The following KANSL1L variants were observed in gnomAD, a reference collection of about 807,000 sequenced individuals.
KANSL1L encodes the protein KAT8 regulatory NSL complex subunit 1 like, also known as KAT8 regulatory NSL complex subunit 1-like protein.
KANSL1L carries 25 observed loss-of-function variants against 108.6 expected under a neutral mutation model. That is an observed-to-expected ratio of 0.23 (90% confidence interval 0.17 to 0.32). The LOEUF is 0.32. Among genes scored for constraint, KANSL1L ranks in the 10% least tolerant of loss-of-function variants. The pLI, the probability that KANSL1L is intolerant of heterozygous loss-of-function variation, is 1.00. For synonymous variants in KANSL1L, 405 were observed against 395.1 expected (o/e 1.03, Z -0.30); for missense variants, 1,137 against 1,125.7 (o/e 1.01, Z -0.14).
intron 6 of KANSL1L, among the ~76,000 whole-genome samples, chr2:210,071,564 C>A (rs550756214): frequency 6.6e-6 from 1 of 152,210 alleles, no homozygotes; most frequent in African/African-American, 2.4e-5. Context: ...CTGCCATGCC[C>A]GACCAAAGTT....
intron 2 of KANSL1L, among the ~76,000 whole-genome samples, chr2:210,135,816 A>G (rs1283430089): frequency 1.3e-5 from 2 of 152,144 alleles, no homozygotes; most frequent in Non-Finnish European, 2.9e-5. Context: ...CCTCGAAAAT[A>G]TTTCATGCTA....
intron 5 of KANSL1L, chr2:210,088,300 CA>C (rs1021962577): frequency 3.3e-5 from 5 of 152,168 alleles, no homozygotes; most frequent in Admixed American, 6.6e-5. Context: ...ACACTAGTGG[CA>C]AGGTGAAAAG....
intron 2 of KANSL1L, among the ~76,000 whole-genome samples, chr2:210,146,048 G>A (rs116042860): frequency 2.4e-3 from 372 of 152,222 alleles, no homozygotes; most frequent in African/African-American, 8.6e-3. Flanking sequence ...ATCCACAGTG[G>A]TGATGACTGT....
intron 8 of KANSL1L, among the ~76,000 whole-genome samples, chr2:210,039,218 G>A (rs899975867): frequency 1.3e-5 from 2 of 151,796 alleles, no homozygotes; most frequent in Non-Finnish European, 3.0e-5. Flanking sequence ...TATTCTACTT[G>A]TAAATTAATT....
chr2:210,079,642 A>ATATATATATATATATGTATGTG (rs2094569537), intron 5 of KANSL1L, among the ~76,000 whole-genome samples: 17 of 6,480 alleles, frequency 2.6e-3, no homozygotes, highest in African/African-American at 3.0e-3. Context: ...ATATATATAT[A>ATATATATATATATATGTATGTG]TATATATATA....
At chr2:210,086,245 C>T (rs1360955892) in intron 5 of KANSL1L, among the ~76,000 whole-genome samples, 1 of 151,800 alleles carries the variant, frequency 6.6e-6, no homozygotes, top group Non-Finnish European at 1.5e-5. Flanking sequence ...AAAAACAAAA[C>T]AAACAATGAC....
At chr2:210,034,710 T>A (rs574488210) in intron 8 of KANSL1L, among the ~76,000 whole-genome samples, 1 of 152,094 alleles carries the variant, frequency 6.6e-6, no homozygotes, top group African/African-American at 2.4e-5. Flanking sequence ...CTCAAACACA[T>A]AAGATCATAT....
intron 6 of KANSL1L, among the ~76,000 whole-genome samples, chr2:210,055,848 C>T (rs1575433786): frequency 1.3e-5 from 2 of 152,160 alleles, no homozygotes; most frequent in Non-Finnish European, 2.9e-5. Context: ...CCTGACAATG[C>T]AGTAGAAAAG....
chr2:210,054,366 T>C (rs2094326762), intron 6 of KANSL1L, among the ~76,000 whole-genome samples: 1 of 151,860 alleles, frequency 6.6e-6, no homozygotes, highest in Non-Finnish European at 1.5e-5. Flanking sequence ...AACACCATTT[T>C]TTACCTATTG....
chr2:210,104,701 A>T (rs888589070), intron 3 of KANSL1L, among the ~76,000 whole-genome samples: 1 of 152,164 alleles, frequency 6.6e-6, no homozygotes, highest in African/African-American at 2.4e-5. Flanking sequence ...TGTGCTTTAC[A>T]TTTGAGCACT....
chr2:210,055,196 C>T (rs533691251), intron 6 of KANSL1L, among the ~76,000 whole-genome samples: 6 of 152,266 alleles, frequency 3.9e-5, no homozygotes, highest in Non-Finnish European at 5.9e-5. Context: ...TTCTTCTTGC[C>T]GCCACGTGAA....
chr2:210,068,722 G>A (rs972068830), intron 6 of KANSL1L, among the ~76,000 whole-genome samples: 5 of 152,016 alleles, frequency 3.3e-5, no homozygotes, highest in South Asian at 2.1e-4. Flanking sequence ...TGCCCCTTTT[G>A]GTTTAAGCTG....
intron 3 of KANSL1L, among the ~76,000 whole-genome samples, chr2:210,126,543 G>C (rs567478706): frequency 2.0e-5 from 3 of 152,098 alleles, no homozygotes; most frequent in Non-Finnish European, 2.9e-5. Flanking sequence ...AGTTGGGCTC[G>C]GTGGCCCACA....
At chr2:210,064,753 G>A (rs2094450827) in intron 6 of KANSL1L, among the ~76,000 whole-genome samples, 1 of 145,534 alleles carries the variant, frequency 6.9e-6, no homozygotes, top group African/African-American at 2.6e-5. Flanking sequence ...AGGCTGCAGT[G>A]AGCTATGATC....
At chr2:210,129,668 T>C (rs537428489) in intron 2 of KANSL1L, among the ~76,000 whole-genome samples, 1 of 152,306 alleles carries the variant, frequency 6.6e-6, no homozygotes, top group Non-Finnish European at 1.5e-5. Context: ...TAGCTAATTA[T>C]TTAAATCATT....
At chr2:210,107,724 G>A (rs894761326) in intron 3 of KANSL1L, among the ~76,000 whole-genome samples, 7 of 151,736 alleles carry the variant, frequency 4.6e-5, no homozygotes, top group African/African-American at 1.7e-4. Context: ...TAGTAGAGAT[G>A]GGGTTTCACC....
intron 8 of KANSL1L, among the ~76,000 whole-genome samples, chr2:210,033,852 A>T (rs545509643): frequency 6.6e-6 from 1 of 152,266 alleles, no homozygotes; most frequent in East Asian, 1.9e-4. Context: ...GTTGATTTTT[A>T]AATTAAATTT....
chr2:210,116,363 G>A (rs185520800), intron 3 of KANSL1L, among the ~76,000 whole-genome samples: 1 of 152,324 alleles, frequency 6.6e-6, no homozygotes, highest in Admixed American at 6.5e-5. Context: ...AAGCCTGGGT[G>A]GATTTGCCAC....
upstream of KANSL1L, among the ~76,000 whole-genome samples, chr2:210,172,648 A>G: frequency 6.6e-6 from 1 of 152,380 alleles, no homozygotes; most frequent in South Asian, 2.1e-4. Context: ...AAAAATTGTA[A>G]GCTAATGATG....
Sources: gnomAD v4.1 joint callset for allele counts (sites outside exome capture counted in the v4.1 genomes callset) on GRCh38, gnomAD v4.1.1 for gene constraint, MANE v1.5 for transcripts, NCBI Gene and HGNC (gene_info 2026-07-23, HGNC 2026-07-21) for gene names.